Variants in COL24A1 observed in about 807,000 individuals in gnomAD.
COL24A1 encodes the protein collagen type XXIV alpha 1 chain.
A neutral mutation model predicts 253.9 loss-of-function variants in COL24A1; 224 were observed. That is an observed-to-expected ratio of 0.88 (90% CI 0.79 to 0.99). The LOEUF (loss-of-function observed/expected upper bound fraction) is 0.99, where lower values mean the gene tolerates loss of function less well. Ranked by LOEUF, COL24A1 falls within the 50% of genes least tolerant of loss-of-function variation. The pLI is 0.00. For synonymous variants in COL24A1, 685 were observed against 673.7 expected, an observed-to-expected ratio of 1.02 and a Z score of -0.26; for missense variants, 2,131 against 2,068.5, an observed-to-expected ratio of 1.03 and a Z score of -0.59.
intron 19 of COL24A1, among the ~76,000 whole-genome samples, chr1:86,009,216 A>G (rs576633696): frequency 2.0e-5 from 3 of 152,332 alleles, no homozygotes; most frequent in African/African-American, 7.2e-5. Context: ...AACACACCAT[A>G]AAGTTTCTAT....
At chr1:86,144,560 T>C (rs1651610635) in intron 2 of COL24A1, among the ~76,000 whole-genome samples, 1 of 152,110 alleles carries the variant, frequency 6.6e-6, no homozygotes, top group Admixed American at 6.6e-5. Flanking sequence ...TTATGATGAT[T>C]AGAATAATAT....
intron 18 of COL24A1, 66 bp from the exon 19 acceptor site, chr1:86,017,270 A>G (rs1697083439): frequency 3.0e-6 from 4 of 1,329,864 alleles, no homozygotes; most frequent in Non-Finnish European, 4.1e-6. Flanking sequence ...AAGAAGAAAC[A>G]GGCATATGGT....
intron 25 of COL24A1, among the ~76,000 whole-genome samples, chr1:85,911,143 C>T (rs995690221): frequency 3.3e-5 from 5 of 151,942 alleles, no homozygotes; most frequent in African/African-American, 1.2e-4. Flanking sequence ...GAAATCTAGA[C>T]TGTTCCATCT....
chr1:86,081,582 T>C (rs376938803), intron 7 of COL24A1, among the ~76,000 whole-genome samples: 10 of 152,300 alleles, frequency 6.6e-5, no homozygotes, highest in African/African-American at 1.9e-4. Flanking sequence ...GGTTTATCAC[T>C]GCAAAACAAG....
intron 12 of COL24A1, among the ~76,000 whole-genome samples, chr1:86,040,273 T>G (rs1699363380): frequency 6.6e-6 from 1 of 152,088 alleles, no homozygotes; most frequent in South Asian, 2.1e-4. Context: ...ACACTTCTGA[T>G]TTTGATAACC....
chr1:86,103,953 CA>C (rs769859336), intron 5 of COL24A1, among the ~76,000 whole-genome samples: 5 of 152,176 alleles, frequency 3.3e-5, no homozygotes, highest in Non-Finnish European at 5.9e-5. Context: ...GGGAAGTTCT[CA>C]TGGATGATAT....
chr1:85,757,057 G>T (rs1666342817), intron 55 of COL24A1, among the ~76,000 whole-genome samples: 1 of 152,172 alleles, frequency 6.6e-6, no homozygotes, highest in Admixed American at 6.5e-5. Flanking sequence ...TGGGTAAAGG[G>T]AGGAATTGAG....
chr1:85,915,660 T>G (rs1685824875), intron 24 of COL24A1, among the ~76,000 whole-genome samples: 1 of 152,164 alleles, frequency 6.6e-6, no homozygotes, highest in African/African-American at 2.4e-5. Flanking sequence ...AAATCATTTT[T>G]CTTTTTGAGA....
intron 24 of COL24A1, among the ~76,000 whole-genome samples, chr1:85,929,904 T>C (rs1250398358): frequency 4.3e-4 from 50 of 116,946 alleles, no homozygotes; most frequent in African/African-American, 1.6e-3. Context: ...AGACACCACA[T>C]ACCAGAATCT....
chr1:85,951,337 G>GA (rs1315719668), intron 24 of COL24A1, among the ~76,000 whole-genome samples: 5 of 152,176 alleles, frequency 3.3e-5, no homozygotes, highest in African/African-American at 1.2e-4. Flanking sequence ...GGAAGAAACG[G>GA]AATCTAACTG....
chr1:86,118,354 T>G (rs1244232308), intron 3 of COL24A1, among the ~76,000 whole-genome samples: 3 of 152,176 alleles, frequency 2.0e-5, no homozygotes, highest in African/African-American at 7.2e-5. Flanking sequence ...TGAGCCACTG[T>G]GCCTGGCCTA....
At chr1:85,956,679 CTG>C (rs1456919287) in intron 24 of COL24A1, among the ~76,000 whole-genome samples, 2 of 152,230 alleles carry the variant, frequency 1.3e-5, no homozygotes, top group East Asian at 1.9e-4. Flanking sequence ...ATCAAGGAAA[CTG>C]TGAAAAAATA....
intron 32 of COL24A1, among the ~76,000 whole-genome samples, chr1:85,888,439 C>T (rs560808572): frequency 1.3e-5 from 2 of 152,136 alleles, no homozygotes; most frequent in African/African-American, 4.8e-5. Flanking sequence ...CTGGCACTTA[C>T]TTATATATAC....
intron 8 of COL24A1, among the ~76,000 whole-genome samples, chr1:86,060,687 A>G (rs1295248976): frequency 6.6e-6 from 1 of 151,980 alleles, no homozygotes; most frequent in East Asian, 1.9e-4. Context: ...TTTTACATCT[A>G]TGAGATACAC....
chr1:85,903,177 A>G (rs924495369), intron 28 of COL24A1, among the ~76,000 whole-genome samples: 1 of 152,214 alleles, frequency 6.6e-6, no homozygotes, highest in Non-Finnish European at 1.5e-5. Flanking sequence ...AGTGATGATA[A>G]CCACATTTAG....
intron 7 of COL24A1, among the ~76,000 whole-genome samples, chr1:86,064,090 G>A (rs567907854): frequency 1.6e-4 from 24 of 152,096 alleles, no homozygotes; most frequent in Non-Finnish European, 1.9e-4. Context: ...CAATGGATAT[G>A]TTAAGTTTGC....
chr1:85,795,476 A>T (rs184565511), intron 47 of COL24A1, among the ~76,000 whole-genome samples: 297 of 152,324 alleles, frequency 1.9e-3, no homozygotes, highest in Non-Finnish European at 3.5e-3. Flanking sequence ...AAAAATCTAC[A>T]TTCTAAAAAT....
chr1:85,842,438 T>G, intron 39 of COL24A1, 45 bp from the exon 40 acceptor site: 1 of 1,279,300 alleles, frequency 7.8e-7, no homozygotes, highest in Non-Finnish European at 1.1e-6. Context: ...AAGTAAAGAA[T>G]TGTTTAAATC....
intron 47 of COL24A1, among the ~76,000 whole-genome samples, chr1:85,808,145 T>C (rs1360934445): frequency 2.6e-5 from 4 of 152,200 alleles, no homozygotes; most frequent in East Asian, 1.9e-4. Context: ...ATAAATCTAA[T>C]GTAATAACAC....
Sources: allele counts gnomAD v4.1 joint callset (sites outside exome capture counted in the v4.1 genomes callset), GRCh38; gene constraint gnomAD v4.1.1; transcripts MANE v1.5; gene names NCBI Gene and HGNC (gene_info 2026-07-23, HGNC 2026-07-21).